The following NOL4L variants were observed in gnomAD, a reference collection of about 807,000 sequenced individuals.
The protein encoded by NOL4L is nucleolar protein 4-like.
A neutral mutation model predicts 64.5 loss-of-function variants in NOL4L; 7 were observed. The observed-to-expected ratio is 0.11, with a 90% CI of 0.06 to 0.20. The LOEUF (loss-of-function observed/expected upper bound fraction) is 0.20. Among genes scored for constraint, NOL4L ranks in the 10% least tolerant of loss-of-function variants. The probability of loss-of-function intolerance (pLI) is 1.00; values close to 1 mark genes in which losing one functional copy is unlikely to be tolerated. For synonymous variants in NOL4L, 413 were observed against 401.0 expected (o/e 1.03, Z -0.36); for missense variants, 680 against 967.1 (o/e 0.70, Z 3.94).
chr20:32,484,022 G>A (rs1033309371), intron 4 of NOL4L, among the ~76,000 whole-genome samples: 3 of 151,850 alleles, frequency 2.0e-5, no homozygotes, highest in South Asian at 4.2e-4. Flanking sequence ...CGGAGGCTGC[G>A]GTCTCTGGGT....
intron 4 of NOL4L, among the ~76,000 whole-genome samples, chr20:32,476,668 C>T (rs910485023): frequency 2.0e-5 from 3 of 152,262 alleles, no homozygotes; most frequent in Non-Finnish European, 2.9e-5. Flanking sequence ...GGCCAAGCTC[C>T]GCTCTAGGTG....
At chr20:32,532,799 A>G (rs1600845116) in intron 1 of NOL4L, among the ~76,000 whole-genome samples, 2 of 152,326 alleles carry the variant, frequency 1.3e-5, no homozygotes, top group Middle Eastern at 3.4e-3. Flanking sequence ...GAGTAATGGA[A>G]TGGAACCCTG....
At chr20:32,515,527 C>A (rs1274618628) in intron 3 of NOL4L, among the ~76,000 whole-genome samples, 1 of 152,036 alleles carries the variant, frequency 6.6e-6, no homozygotes, top group South Asian at 2.1e-4. Context: ...TAAGTGGGTG[C>A]ACACTGAGAG....
Position 32,454,137 on chromosome 20 carries a change from C to A in NOL4L, c.1120-376G>T, listed in dbSNP as rs556632900. The A allele has an allele frequency of 4.3e-5, 9 of 211,036 alleles. No homozygotes were observed. In the South Asian group the frequency reaches 1.0e-3, roughly 24 times the overall value. 13.1% of individuals were successfully genotyped at this position (211,036 alleles called of 1,614,324 possible). Reference sequence around the variant, plus strand: ...CATGGAAAGGACTCCCACCACCCGCCAGCCTCCTCTCGTGCCAAGATATAT... The same window carrying A: ...CATGGAAAGGACTCCCACCACCCGCAAGCCTCCTCTCGTGCCAAGATATAT... On this transcript the variant is annotated intron_variant, in intron 6 of 10. Coordinates refer to ENST00000621426, the MANE Select transcript of NOL4L (RefSeq NM_001256798.2).
At position 32,499,444 on chromosome 20, in the gene NOL4L, AG is replaced by A. The variant is rs1426775263; in HGVS notation, c.699+11902del. Among the ~76,000 whole-genome samples the A allele has an allele frequency of 7.9e-5, 12 of 152,308 alleles. No homozygotes were observed. The East Asian group carries it at 2.1e-3, about 27-fold the overall frequency. Reference sequence around the variant, plus strand: ...GGATACAAACATTTTTAGGCATTAAAGAAACAATTTTTGGCTGGGTGTGGTG... The same window carrying A: ...GGATACAAACATTTTTAGGCATTAAAAAACAATTTTTGGCTGGGTGTGGTG... On this transcript the variant is annotated intron_variant, in intron 4 of 10. Transcript: ENST00000621426.
chr20:32,456,176 C>A lies in NOL4L; in HGVS notation c.1061G>T (p.Gly354Val). Reference sequence around the variant, plus strand: ...GCTCCGCAGCCCGTCGGCACCGCAGCCATCCGAGGGGTAGGAGGCTGTGCC... The same window carrying A: ...GCTCCGCAGCCCGTCGGCACCGCAGACATCCGAGGGGTAGGAGGCTGTGCC... ...ALGTASYPSD[G>V]CGADGLRSRV... Residue 354 changes from glycine (G) to valine (V), a missense_variant, in exon 6 of 11, where the codon GGC (glycine) becomes GTC (valine). Transcript: ENST00000621426. 1 of 1,592,846 alleles carries A rather than the reference C, an allele frequency of 6.3e-7. No homozygotes were observed. Among genetic ancestry groups the A allele is most frequent in the Non-Finnish European group, 8.6e-7 (1 of 1,168,754 alleles).
chr20:32,459,090 G>C (rs1030144253), intron 5 of NOL4L, among the ~76,000 whole-genome samples: 62 of 152,244 alleles, frequency 4.1e-4, no homozygotes, highest in African/African-American at 1.5e-3. Flanking sequence ...TGCCACCCTG[G>C]TCTGGCCAGG....
rs1483151230 is a variant in NOL4L at position 32,447,167 on chromosome 20, TTAC to T, written c.*426_*428del. On this transcript the variant is annotated 3_prime_UTR_variant, in exon 11 of 11. Transcript: ENST00000621426. ...AAGAATCCATTTTCAGAAAAATAAA[TTAC>T]TAAGGGGAGAGGAAGAAAGGGTCCA... is the stretch of plus-strand genomic sequence containing the variant. 3 of 449,820 alleles carry T rather than the reference TTAC, an allele frequency of 6.7e-6. No individual in the cohort carries two copies. Among genetic ancestry groups the T allele is most frequent in the Non-Finnish European group, 1.3e-5 (3 of 226,178 alleles). The allele number at this position is 449,820 out of a possible 1,614,324, so 27.9% of individuals were successfully genotyped here.
At chr20:32,452,566 T>G in intron 9 of NOL4L, 129 bp from the exon 10 acceptor site, 1 of 918,028 alleles carries the variant, frequency 1.1e-6, no homozygotes. Context: ...GTTTGACCTG[T>G]GGGATTCTGT....
intron 4 of NOL4L, among the ~76,000 whole-genome samples, chr20:32,498,834 T>G (rs1478180135): frequency 6.6e-6 from 1 of 151,402 alleles, no homozygotes; most frequent in African/African-American, 2.4e-5. Flanking sequence ...AAGATCAGCC[T>G]GGGCAACAAA....
chr20:32,533,811 A>G (rs1210403815), intron 1 of NOL4L, among the ~76,000 whole-genome samples: 3 of 152,216 alleles, frequency 2.0e-5, no homozygotes, highest in Non-Finnish European at 4.4e-5. Context: ...AATGCTCAGC[A>G]TGCTAATTCC....
At chr20:32,519,128 T>C (rs2017812104) in intron 3 of NOL4L, among the ~76,000 whole-genome samples, 2 of 152,284 alleles carry the variant, frequency 1.3e-5, no homozygotes, top group Non-Finnish European at 2.9e-5. Flanking sequence ...TGGAGCCCTG[T>C]TCTTAACATG....
At chr20:32,535,979 G>A (rs2145590779) in intron 1 of NOL4L, 3 of 985,538 alleles carry the variant, frequency 3.0e-6, no homozygotes, top group Non-Finnish European at 3.6e-6. Context: ...GGGTGCTGTA[G>A]AGGTGAAGTC....
intron 1 of NOL4L, among the ~76,000 whole-genome samples, chr20:32,554,222 G>A (rs1209360901): frequency 6.6e-6 from 1 of 150,876 alleles, no homozygotes; most frequent in Non-Finnish European, 1.5e-5. Context: ...TCGGGAGGCT[G>A]AGGCAGGAGA....
At chr20:32,494,253 GAAAAAAAAAAAAAA>G (rs566317193) in intron 4 of NOL4L, among the ~76,000 whole-genome samples, 2 of 22,028 alleles carry the variant, frequency 9.1e-5, no homozygotes, top group Non-Finnish European at 1.8e-4. Context: ...ATAATCTCGG[GAAAAAAAAAAAAAA>G]AAAAAAAAAA....
chr20:32,582,883 A>G (rs1980572344), intron 1 of NOL4L, among the ~76,000 whole-genome samples: 1 of 151,766 alleles, frequency 6.6e-6, no homozygotes, highest in Non-Finnish European at 1.5e-5. Context: ...GGGCTGACCC[A>G]TACTCCCCAT....
chr20:32,578,435 G>A (rs775976212), intron 1 of NOL4L, among the ~76,000 whole-genome samples: 24 of 152,160 alleles, frequency 1.6e-4, no homozygotes, highest in Non-Finnish European at 3.2e-4. Context: ...ACCCAGGCTG[G>A]AGTGCAGTGG....
chr20:32,478,839 C>T (rs1259073050), intron 4 of NOL4L, among the ~76,000 whole-genome samples: 1 of 152,226 alleles, frequency 6.6e-6, no homozygotes, highest in East Asian at 1.9e-4. Context: ...GCCTTGGCCT[C>T]CCAAAGTGCT....
At chr20:32,456,528 A>G in intron 5 of NOL4L, 133 bp from the exon 6 acceptor site, 1 of 913,696 alleles carries the variant, frequency 1.1e-6, no homozygotes, top group Non-Finnish European at 1.5e-6. Context: ...CCCACCTCAG[A>G]GGCAATTTGC....
Sources: gnomAD v4.1 joint callset for allele counts (sites outside exome capture counted in the v4.1 genomes callset) on GRCh38, gnomAD v4.1.1 for gene constraint, MANE v1.5 for transcripts, NCBI Gene and HGNC (gene_info 2026-07-23, HGNC 2026-07-21) for gene names.